Variants in ELL observed in about 807,000 individuals in gnomAD.
ELL encodes RNA polymerase II elongation factor ELL.
Under a neutral mutation model 64.0 loss-of-function variants are expected in ELL, and 18 were observed. The ratio of observed to expected loss-of-function variants is 0.28; its 90% confidence interval spans 0.19 to 0.42. The LOEUF (loss-of-function observed/expected upper bound fraction) is 0.42. Ranked by LOEUF, ELL falls within the 10% of genes least tolerant of loss-of-function variation. The probability of loss-of-function intolerance (pLI) is 1.00; values close to 1 mark genes in which losing one functional copy is unlikely to be tolerated. For synonymous variants in ELL, 399 were observed against 376.2 expected, an observed-to-expected ratio of 1.06 and a Z score of -0.70; for missense variants, 797 against 870.4, an observed-to-expected ratio of 0.92 and a Z score of 1.06.
intron 1 of ELL, among the ~76,000 whole-genome samples, chr19:18,509,453 T>C (rs1975950539): frequency 6.6e-6 from 1 of 152,018 alleles, no homozygotes; most frequent in Non-Finnish European, 1.5e-5. Context: ...AGAAGGGCAA[T>C]GTGATGGGGT....
chr19:18,515,307 A>T (rs1029484717), intron 1 of ELL, among the ~76,000 whole-genome samples: 5 of 152,278 alleles, frequency 3.3e-5, no homozygotes, highest in African/African-American at 7.2e-5. Context: ...CAGGCAAACC[A>T]TACCCTGGTG....
intron 6 of ELL, among the ~76,000 whole-genome samples, chr19:18,455,635 C>G (rs1453397690): frequency 6.6e-6 from 1 of 151,944 alleles, no homozygotes; most frequent in African/African-American, 2.4e-5. Context: ...CACTTGAGGT[C>G]AGGAGTTCAA....
At chr19:18,462,366 T>TGTGTGTGTGTGTGCG (rs1392630400) in intron 4 of ELL, among the ~76,000 whole-genome samples, 1 of 31,222 alleles carries the variant, frequency 3.2e-5, no homozygotes, top group Non-Finnish European at 4.9e-5. Context: ...TGTGTGTGTT[T>TGTGTGTGTGTGTGCG]GGGCGGGGGG....
At chr19:18,453,926 C>G (rs1277336973) in intron 6 of ELL, among the ~76,000 whole-genome samples, 1 of 152,148 alleles carries the variant, frequency 6.6e-6, no homozygotes, top group Non-Finnish European at 1.5e-5. Context: ...AGCCACACAG[C>G]GTATAATTCC....
Position 18,465,918 on chromosome 19 carries a change from G to T in ELL, c.184C>A (p.His62Asn). The T allele has an allele frequency of 7.6e-7, 1 of 1,311,812 alleles. No individual in the cohort carries two copies. The highest frequency in any genetic ancestry group is 9.8e-7 in the Non-Finnish European group (1 of 1,023,048). The allele number at this position is 1,311,812 out of a possible 1,614,324, so 81.3% of individuals were successfully genotyped here. Residue 62 changes from histidine to asparagine, a missense_variant and splice_region_variant, in exon 3 of 12, where the codon CAC (histidine) becomes AAC (asparagine). His to Asn is a moderately conservative substitution (Grantham distance 68, BLOSUM62 1). Transcript: ENST00000262809. ...CAGTCAGGCTGGGGGATGGAGATGT[G>T]CTGCGTGGAGGGGGAGGGGGTGTCA... The part of the protein sequence containing the change: ...PSIRFQGSQG[H>N]ISIPQPDCPA...
At chr19:18,491,211 T>C (rs1166591732) in intron 1 of ELL, among the ~76,000 whole-genome samples, 1 of 140,674 alleles carries the variant, frequency 7.1e-6, no homozygotes, top group Non-Finnish European at 1.5e-5. Context: ...GCCTCCCAAG[T>C]AGCTGGGACT....
chr19:18,512,858 C>T (rs1976055058), intron 1 of ELL, among the ~76,000 whole-genome samples: 1 of 152,098 alleles, frequency 6.6e-6, no homozygotes, highest in Non-Finnish European at 1.5e-5. Flanking sequence ...GCAGCGCCAC[C>T]AATGTACCTG....
intron 6 of ELL, among the ~76,000 whole-genome samples, 197 bp from the exon 7 acceptor site, chr19:18,451,845 C>T (rs1220719753): frequency 3.9e-5 from 6 of 152,198 alleles, no homozygotes; most frequent in Admixed American, 1.3e-4. Context: ...AGGAGGACTT[C>T]CCCACTCACT....
chr19:18,476,779 C>T (rs1975185921), intron 1 of ELL, among the ~76,000 whole-genome samples: 1 of 152,314 alleles, frequency 6.6e-6, no homozygotes, highest in African/African-American at 2.4e-5. Context: ...CACCCTCCAG[C>T]AGGAGACCAG....
chr19:18,461,234 G>C (rs1168865817), intron 5 of ELL, among the ~76,000 whole-genome samples: 1 of 151,740 alleles, frequency 6.6e-6, no homozygotes, highest in African/African-American at 2.4e-5. Flanking sequence ...CCTTCCCCAG[G>C]CCTTGAGTCC....
intron 1 of ELL, among the ~76,000 whole-genome samples, chr19:18,479,543 T>C (rs1299028565): frequency 2.0e-5 from 3 of 151,744 alleles, no homozygotes; most frequent in Non-Finnish European, 2.9e-5. Context: ...ACTCCATCTC[T>C]ACTAAAAATA....
intron 1 of ELL, among the ~76,000 whole-genome samples, chr19:18,507,198 C>T (rs915142236): frequency 6.6e-6 from 1 of 152,236 alleles, no homozygotes; most frequent in Non-Finnish European, 1.5e-5. Context: ...AAGGAACACG[C>T]TCTTCTAGCT....
intron 1 of ELL, among the ~76,000 whole-genome samples, chr19:18,499,707 C>A (rs1277980908): frequency 6.6e-6 from 1 of 152,090 alleles, no homozygotes; most frequent in Admixed American, 6.6e-5. Flanking sequence ...CACAGCCACA[C>A]CACCTCACGG....
intron 6 of ELL, among the ~76,000 whole-genome samples, chr19:18,454,102 C>A (rs548510654): frequency 1.3e-5 from 2 of 152,260 alleles, no homozygotes; most frequent in African/African-American, 4.8e-5. Flanking sequence ...GAGGTGGTGG[C>A]TGCACAATAT....
At chr19:18,461,329 C>T (rs1329434636) in intron 5 of ELL, among the ~76,000 whole-genome samples, 1 of 152,232 alleles carries the variant, frequency 6.6e-6, no homozygotes, top group African/African-American at 2.4e-5. Context: ...AGGGCCTGGG[C>T]TCCATGCTGA....
chr19:18,477,817 C>T (rs1379035829), intron 1 of ELL, among the ~76,000 whole-genome samples: 4 of 152,268 alleles, frequency 2.6e-5, no homozygotes, highest in African/African-American at 4.8e-5. Flanking sequence ...GAGGATGACG[C>T]GGGCACAGTG....
intron 1 of ELL, among the ~76,000 whole-genome samples, chr19:18,509,028 G>A (rs1975943089): frequency 6.6e-6 from 1 of 152,132 alleles, no homozygotes; most frequent in South Asian, 2.1e-4. Flanking sequence ...CACAAAAAGA[G>A]ACCCTGTGAG....
At chr19:18,460,589 C>A (rs972013317) in intron 5 of ELL, among the ~76,000 whole-genome samples, 1 of 152,224 alleles carries the variant, frequency 6.6e-6, no homozygotes, top group African/African-American at 2.4e-5. Context: ...AGGCTGACAT[C>A]CTCCCAAGGA....
rs772357286 is a variant in ELL, at chr19:18,461,655, C to T, written c.667G>A (p.Ala223Thr). The T allele has an allele frequency of 6.2e-7, 1 of 1,612,780 alleles. No homozygotes were observed. ...TTCTGCAGTCGCAGCAGCAGCTCAG[C>T]CTTGCGGTAGGGCCGTAGTGCCAGG... ...HLLALRPYRKAELLLRLQKDG... is the reference protein window; with the variant it reads ...HLLALRPYRKTELLLRLQKDG... Residue 223 changes from alanine (A) to threonine (T), a missense_variant, in exon 5 of 12, where the codon GCT (alanine) becomes ACT (threonine). Coordinates refer to ENST00000262809, the MANE Select transcript of ELL (RefSeq NM_006532.4).
Sources: allele counts gnomAD v4.1 joint callset (sites outside exome capture counted in the v4.1 genomes callset), GRCh38; gene constraint gnomAD v4.1.1; transcripts MANE v1.5; gene names NCBI Gene and HGNC (gene_info 2026-07-23, HGNC 2026-07-21).